The following CEP104 variants were observed in gnomAD, a reference collection of about 807,000 sequenced individuals.
CEP104 encodes centrosomal protein 104.
A neutral mutation model predicts 113.3 loss-of-function variants in CEP104; 84 were observed. The observed-to-expected ratio is 0.74, with a 90% CI of 0.62 to 0.89. The LOEUF is 0.89. Among genes scored for constraint, CEP104 ranks in the 40% least tolerant of loss-of-function variants. CEP104 has a pLI of 0.00. For synonymous variants in CEP104, 378 were observed against 421.7 expected, an observed-to-expected ratio of 0.90 and a Z score of 1.27; for missense variants, 1,053 against 1,156.6, an observed-to-expected ratio of 0.91 and a Z score of 1.30.
intron 10 of CEP104, among the ~76,000 whole-genome samples, chr1:3,835,960 C>T (rs562525641): frequency 8.1e-5 from 12 of 147,866 alleles, no homozygotes; most frequent in South Asian, 2.1e-4. Context: ...GTTATGATCA[C>T]GCCACTGTAC....
At chr1:3,855,428 C>G (rs1644699131) in intron 1 of CEP104, among the ~76,000 whole-genome samples, 1 of 151,286 alleles carries the variant, frequency 6.6e-6, no homozygotes, top group Non-Finnish European at 1.5e-5. Flanking sequence ...CTTAGTGTCC[C>G]AAAGTGTTGG....
At chr1:3,838,135 A>T (rs1290111194) in intron 8 of CEP104, among the ~76,000 whole-genome samples, 1 of 152,186 alleles carries the variant, frequency 6.6e-6, no homozygotes, top group East Asian at 1.9e-4. Context: ...TTGAACCCAG[A>T]CAGTCCAGCT....
At chr1:3,851,166 C>T (rs1385228970) in intron 2 of CEP104, among the ~76,000 whole-genome samples, 2 of 152,124 alleles carry the variant, frequency 1.3e-5, no homozygotes, top group Non-Finnish European at 2.9e-5. Context: ...GGCTCGCCTG[C>T]AATCCCAGCT....
At chr1:3,846,743 T>C (rs541470950) in intron 4 of CEP104, among the ~76,000 whole-genome samples, 1 of 152,286 alleles carries the variant, frequency 6.6e-6, no homozygotes, top group Non-Finnish European at 1.5e-5. Context: ...GCTCACCCGC[T>C]TGGTCTAGAG....
chr1:3,852,175 C>T, intron 2 of CEP104, 120 bp downstream of exon 2: 5 of 915,604 alleles, frequency 5.5e-6, no homozygotes, highest in Non-Finnish European at 7.9e-6. Flanking sequence ...TGCTGACATC[C>T]TTGGTCCTGA....
In CEP104 at chr1:3,825,421, T is replaced by C. The variant is rs16824124; in HGVS notation, c.2364+337A>G. Reference sequence around the variant, plus strand: ...TGTGGTCCATTCAAGCAGTGGACACTATAAAGCAAGAAATCCAACATGACG... The same window carrying C: ...TGTGGTCCATTCAAGCAGTGGACACCATAAAGCAAGAAATCCAACATGACG... On this transcript the variant is annotated intron_variant, in intron 18 of 21. Transcript: ENST00000378230. Among the ~76,000 whole-genome samples, 24,229 of 152,104 alleles carry C rather than the reference T, an allele frequency of 0.16. 2,210 individuals carry two copies. The highest frequency in any genetic ancestry group is 0.24 in the African/African-American group (10,089 of 41,456).
rs1435045695 is a variant in CEP104, at chr1:3,838,956, G to A, written c.891+8C>T. The A allele has an allele frequency of 6.2e-7, 1 of 1,613,858 alleles. No homozygotes were observed. Among genetic ancestry groups the A allele is most frequent in the Non-Finnish European group, 8.5e-7 (1 of 1,179,948 alleles). ...TTTCCTCCACTCCGTCTGGGCTCCT[G>A]CACCCACCAGCTCGGCATCCAGGAG... On this transcript the variant is annotated splice_region_variant and intron_variant, in intron 8 of 21. Transcript: ENST00000378230.
Position 3,830,950 on chromosome 1 carries a change from C to A in CEP104, c.1836+96G>T. 2.3e-6 allele frequency: 3 copies of A among 1,278,486 alleles called. No individual in the cohort carries two copies. In the South Asian group the frequency reaches 4.6e-5, roughly 20 times the overall value. 79.2% of individuals were successfully genotyped at this position (1,278,486 alleles called of 1,614,324 possible). A position where few individuals can be genotyped will look rare whatever the true frequency, so the allele number is the denominator to read the frequency against. On this transcript the variant is annotated intron_variant, in intron 13 of 21. Coordinates refer to ENST00000378230, the MANE Select transcript of CEP104 (RefSeq NM_014704.4). ...ATTTTTCTGAAATCACTGCCTCAGT[C>A]ATTCCTTCAACAAATGCCGATGAGA...
intron 11 of CEP104, among the ~76,000 whole-genome samples, chr1:3,834,455 G>T (rs554934744): frequency 3.3e-5 from 5 of 152,138 alleles, no homozygotes; most frequent in Admixed American, 3.3e-4. Flanking sequence ...GCTTCAATGG[G>T]TAAGCCCAAA....
chr1:3,843,325 T>TAAA (rs60718273), intron 6 of CEP104: 843 of 386,186 alleles, frequency 2.2e-3, no homozygotes, highest in East Asian at 0.013. Flanking sequence ...CTTACACTGC[T>TAAA]AAAAAAAAAA....
At chr1:3,848,315 G>A (rs1028735522) in intron 3 of CEP104, among the ~76,000 whole-genome samples, 1 of 151,890 alleles carries the variant, frequency 6.6e-6, no homozygotes, top group Admixed American at 6.6e-5. Context: ...GGCGGATCAC[G>A]AGGTCAGGAG....
intron 17 of CEP104, 41 bp from the exon 18 acceptor site, chr1:3,825,907 G>A (rs1293694837): frequency 7.3e-7 from 1 of 1,377,232 alleles, no homozygotes; most frequent in African/African-American, 1.4e-5. Flanking sequence ...TAAGGATCTA[G>A]TTCCACTGAT....
chr1:3,833,649 AAAC>A, intron 12 of CEP104: 1 of 407,226 alleles, frequency 2.5e-6, no homozygotes, highest in Non-Finnish European at 4.3e-6. Context: ...TGGATAAAAA[AAAC>A]ATTGGAAAAA....
rs1234027317 is a variant in CEP104, at chr1:3,823,396, G to A, written c.2503+28C>T. The A allele has an allele frequency of 6.2e-7, 1 of 1,614,154 alleles. No homozygotes were observed. Among genetic ancestry groups the A allele is most frequent in the Admixed American group, 1.7e-5 (1 of 60,022 alleles). On this transcript the variant is annotated intron_variant, in intron 19 of 21. Coordinates refer to ENST00000378230, the MANE Select transcript of CEP104 (RefSeq NM_014704.4). The surrounding 1 kb of genome is among the most constrained non-coding windows in gnomAD (Gnocchi z 4.1). ...CAAGAGGACCCCTGGTGACCCGAGG[G>A]CACGGGAGCCTGGGAAGGGGCACTC... is the stretch of plus-strand genomic sequence containing the variant.
At chr1:3,840,301 A>C (rs2124678928) in intron 6 of CEP104, among the ~76,000 whole-genome samples, 1 of 152,266 alleles carries the variant, frequency 6.6e-6, no homozygotes, top group Admixed American at 6.5e-5. Flanking sequence ...CAATGGCGCA[A>C]TCTCGGCTCA....
At position 3,835,770 on chromosome 1, in the gene CEP104, C is replaced by T. The variant is rs183651370; in HGVS notation, c.1318-678G>A. Reference sequence around the variant, plus strand: ...TTCAGAAGGGAGCAGTTGTTTAATACAAGCTCCATGAATGCCAGAAGGAAA... The same window carrying T: ...TTCAGAAGGGAGCAGTTGTTTAATATAAGCTCCATGAATGCCAGAAGGAAA... On this transcript the variant is annotated intron_variant, in intron 10 of 21. Transcript: ENST00000378230. 3.8e-3 allele frequency among the ~76,000 whole-genome samples: 572 copies of T among 152,328 alleles called. 2 individuals carry two copies. The highest frequency in any genetic ancestry group is 5.9e-3 in the Admixed American group (91 of 15,300).
intron 6 of CEP104, among the ~76,000 whole-genome samples, chr1:3,842,799 C>T (rs1466428442): frequency 2.6e-5 from 4 of 151,998 alleles, no homozygotes; most frequent in Non-Finnish European, 2.9e-5. Flanking sequence ...TTTTTTTGTG[C>T]GTGTGTGAGA....
chr1:3,823,666 T>C lies in CEP104; in HGVS notation c.2365-104A>G. On this transcript the variant is annotated intron_variant, in intron 18 of 21. Transcript: ENST00000378230. This position sits in a 1 kb window ranked among gnomAD's most constrained non-coding sequence, Gnocchi z 4.1. ...CGCCTCCCCTGCCCAGGGAGGTCTG[T>C]GCCGCCTGCACATGAAGTAAGCCAC... 2.2e-6 allele frequency: 3 copies of C among 1,379,262 alleles called. No homozygotes were observed. Among genetic ancestry groups the C allele is most frequent in the South Asian group, 1.2e-5 (1 of 81,094 alleles). The allele number at this position is 1,379,262 out of a possible 1,614,324, so 85.4% of individuals were successfully genotyped here. A position where few individuals can be genotyped will look rare whatever the true frequency, so the allele number is the denominator to read the frequency against.
intron 13 of CEP104, among the ~76,000 whole-genome samples, chr1:3,830,631 C>T (rs1047793520): frequency 1.3e-5 from 2 of 151,932 alleles, no homozygotes; most frequent in Non-Finnish European, 2.9e-5. Context: ...AAAAATTAGC[C>T]GGGCATGGTG....
Sources: gnomAD v4.1 joint callset for allele counts (sites outside exome capture counted in the v4.1 genomes callset) on GRCh38, gnomAD v4.1.1 for gene constraint, Gnocchi (gnomAD v3.1) non-coding constraint, MANE v1.5 for transcripts, NCBI Gene and HGNC (gene_info 2026-07-23, HGNC 2026-07-21) for gene names.